The following KASH5 variants were observed in gnomAD, a reference collection of about 807,000 sequenced individuals.
KASH5 encodes protein KASH5.
KASH5 carries 72 observed loss-of-function variants against 84.2 expected under a neutral mutation model. That is an observed-to-expected ratio of 0.85 (90% CI 0.71 to 1.04). The LOEUF (loss-of-function observed/expected upper bound fraction) is 1.04, where lower values mean the gene tolerates loss of function less well. Ranked by LOEUF, KASH5 falls within the 50% of genes least tolerant of loss-of-function variation. The pLI is 0.00. For missense variants in KASH5, 650 were observed against 701.0 expected (o/e 0.93, Z 0.82); for synonymous variants, 260 against 279.1 (o/e 0.93, Z 0.68).
At position 49,395,321 on chromosome 19, in the gene KASH5, G is replaced by A. The variant is rs549776937; in HGVS notation, c.335+29G>A. ...AGTCCCCACATCTTCATCCTCCTCT[G>A]GGAAGTCCTTCCTAAGATCTAACCT... On this transcript the variant is annotated intron_variant, in intron 4 of 19. Transcript: ENST00000447857. The surrounding 1 kb of genome is among the most constrained non-coding windows in gnomAD (Gnocchi z 4.4). The A allele has an allele frequency of 6.2e-7, 1 of 1,604,380 alleles. No individual in the cohort carries two copies. Among genetic ancestry groups the A allele is most frequent in the Non-Finnish European group, 8.5e-7 (1 of 1,176,486 alleles).
rs1229332540 is a variant in KASH5 at position 49,417,500 on chromosome 19, C to T, written c.1679C>T (p.Pro560Leu). 2 of 1,540,364 alleles carry T rather than the reference C, an allele frequency of 1.3e-6. No individual in the cohort carries two copies. The highest frequency in any genetic ancestry group is 2.4e-5 in the East Asian group (1 of 40,856). ...PHLQLCYLQPPPV is the reference protein window; with the variant it reads ...PHLQLCYLQPLPV Reference sequence around the variant, plus strand: ...CTCCAGCTCTGCTACCTCCAGCCCCCTCCAGTGTGAGAGGCTCTACTTGCC... The same window carrying T: ...CTCCAGCTCTGCTACCTCCAGCCCCTTCCAGTGTGAGAGGCTCTACTTGCC... The change falls in exon 20 of 20, where the codon CCT (proline) becomes CTT (leucine). Residue 560 changes from proline (P) to leucine (L), a missense_variant. Transcript: ENST00000447857. This position sits in a 1 kb window ranked among gnomAD's most constrained non-coding sequence, Gnocchi z 5.2.
In KASH5 at chr19:49,416,433, C is replaced by T. The variant is rs906130625; in HGVS notation, c.1375-582C>T. ...GTCTCCATGTCCTGACCTTGTGATCCGCCCGCTTCAGCCTCCCAAAGTGCC... is the reference window on the plus strand; with the variant it reads ...GTCTCCATGTCCTGACCTTGTGATCTGCCCGCTTCAGCCTCCCAAAGTGCC... On this transcript the variant is annotated intron_variant, in intron 17 of 19. Coordinates refer to ENST00000447857, the MANE Select transcript of KASH5 (RefSeq NM_144688.5). The surrounding 1 kb of genome is among the most constrained non-coding windows in gnomAD (Gnocchi z 5.4). Among the ~76,000 whole-genome samples the T allele has an allele frequency of 6.6e-6, 1 of 152,144 alleles. No homozygotes were observed. The highest frequency in any genetic ancestry group is 2.4e-5 in the African/African-American group (1 of 41,426).
Position 49,412,089 on chromosome 19 carries a change from A to C in KASH5, c.1270-879A>C, listed in dbSNP as rs139157510. On this transcript the variant is annotated intron_variant, in intron 15 of 19. Coordinates refer to ENST00000447857, the MANE Select transcript of KASH5 (RefSeq NM_144688.5). This position sits in a 1 kb window ranked among gnomAD's most constrained non-coding sequence, Gnocchi z 4.6. ...GGGGTGACTAGTGAGAGATGAGGCCAGGGCCAGATCATGAAAGGAAATCTC... is the reference window on the plus strand; with the variant it reads ...GGGGTGACTAGTGAGAGATGAGGCCCGGGCCAGATCATGAAAGGAAATCTC... 5.9e-5 allele frequency among the ~76,000 whole-genome samples: 9 copies of C among 152,220 alleles called. No individual in the cohort carries two copies. The highest frequency in any genetic ancestry group is 1.0e-4 in the Non-Finnish European group (7 of 68,040).
intron 13 of KASH5, 28 bp downstream of exon 13, chr19:49,409,059 A>G (rs1974625837): frequency 6.3e-7 from 1 of 1,583,212 alleles, no homozygotes; most frequent in Non-Finnish European, 8.6e-7. Context: ...GGGTAGGAGG[A>G]GGCAGGAGGG....
chr19:49,402,651 G>A (rs558214785), intron 9 of KASH5, among the ~76,000 whole-genome samples: 28 of 152,258 alleles, frequency 1.8e-4, no homozygotes, highest in African/African-American at 6.7e-4. Context: ...AGGTTGCAGC[G>A]AGCTGAGATT....
intron 9 of KASH5, among the ~76,000 whole-genome samples, chr19:49,405,070 GAAGT>G (rs1974480842): frequency 6.6e-6 from 1 of 152,168 alleles, no homozygotes; most frequent in African/African-American, 2.4e-5. Context: ...CAGATTAAAA[GAAGT>G]AAGACATTTC....
chr19:49,410,323 G>C (rs892340756), intron 15 of KASH5, among the ~76,000 whole-genome samples: 4 of 152,030 alleles, frequency 2.6e-5, no homozygotes, highest in African/African-American at 7.2e-5. Flanking sequence ...ATAACCATTG[G>C]GGTTTTTTTT....
At chr19:49,391,156 G>A (rs1215526595) in intron 2 of KASH5, among the ~76,000 whole-genome samples, 1 of 152,142 alleles carries the variant, frequency 6.6e-6, no homozygotes, top group East Asian at 1.9e-4. Context: ...GACTGTGTGA[G>A]AGCGCAAGCA....
chr19:49,416,175 T>G lies in KASH5; in HGVS notation c.1375-840T>G, dbSNP rs1039452070. On this transcript the variant is annotated intron_variant, in intron 17 of 19. Coordinates refer to ENST00000447857, the MANE Select transcript of KASH5 (RefSeq NM_144688.5). This position sits in a 1 kb window ranked among gnomAD's most constrained non-coding sequence, Gnocchi z 5.4. ...AAAATAAATTTGTAATTATACCATTTATAATGGCATGGTGTTTTGTTTTTG... is the reference window on the plus strand; with the variant it reads ...AAAATAAATTTGTAATTATACCATTGATAATGGCATGGTGTTTTGTTTTTG... 6.6e-6 allele frequency among the ~76,000 whole-genome samples: 1 copy of G among 152,208 alleles called. No homozygotes were observed. Among genetic ancestry groups the G allele is most frequent in the African/African-American group, 2.4e-5 (1 of 41,444 alleles).
intron 7 of KASH5, among the ~76,000 whole-genome samples, chr19:49,398,551 T>C (rs1378345759): frequency 1.3e-5 from 2 of 152,072 alleles, no homozygotes; most frequent in African/African-American, 4.8e-5. Flanking sequence ...TTATTTTTTA[T>C]AGAAATGAGT....
intron 5 of KASH5, among the ~76,000 whole-genome samples, chr19:49,396,895 C>T (rs1974199893): frequency 6.6e-6 from 1 of 151,986 alleles, no homozygotes; most frequent in Admixed American, 6.6e-5. Flanking sequence ...ACCATCTCTA[C>T]TAAAAATAAA....
chr19:49,406,408 G>A (rs1444084205), intron 9 of KASH5, among the ~76,000 whole-genome samples: 3 of 151,940 alleles, frequency 2.0e-5, no homozygotes, highest in Non-Finnish European at 4.4e-5. Flanking sequence ...AGACAGTCTC[G>A]CTCTGTCGCC....
intron 10 of KASH5, 33 bp downstream of exon 10, chr19:49,406,996 C>T: frequency 6.4e-7 from 1 of 1,553,860 alleles, no homozygotes; most frequent in Non-Finnish European, 8.7e-7. Context: ...GACAACTTTC[C>T]ACCACCCCGG....
intron 14 of KASH5, 33 bp downstream of exon 14, chr19:49,409,316 C>T: frequency 6.2e-7 from 1 of 1,600,218 alleles, no homozygotes; most frequent in South Asian, 1.1e-5. Context: ...AAGCTGCAGG[C>T]CACCAAGGCA....
chr19:49,397,448 A>T (rs1460648486), intron 5 of KASH5, among the ~76,000 whole-genome samples: 1 of 152,150 alleles, frequency 6.6e-6, no homozygotes, highest in Admixed American at 6.5e-5. Context: ...AGTTAGGGTT[A>T]TCTGGGAGAT....
At chr19:49,398,176 GC>G in intron 7 of KASH5, 33 bp downstream of exon 7, 1 of 1,525,692 alleles carries the variant, frequency 6.6e-7, no homozygotes, top group Non-Finnish European at 8.8e-7. Context: ...CCTCCCCAGC[GC>G]CCCTGCCTCC....
rs777567879 is a variant in KASH5 at position 49,416,354 on chromosome 19, G to A, written c.1375-661G>A. The stretch of plus-strand genomic sequence containing the variant: ...ATTACAGGCACGTGCTACCATGCCC[G>A]GCTAATTTTTGTATTTTTAGTAGAG... On this transcript the variant is annotated intron_variant, in intron 17 of 19. Transcript: ENST00000447857. The surrounding 1 kb of genome is among the most constrained non-coding windows in gnomAD (Gnocchi z 5.4). 1.4e-4 allele frequency among the ~76,000 whole-genome samples: 22 copies of A among 152,112 alleles called. No individual in the cohort carries two copies. The highest frequency in any genetic ancestry group is 1.9e-4 in the East Asian group (1 of 5,162).
Position 49,397,712 on chromosome 19 carries a change from C to G in KASH5, c.462C>G (p.Pro154=), listed in dbSNP as rs771751679. 5 of 1,613,454 alleles carry G rather than the reference C, an allele frequency of 3.1e-6. No homozygotes were observed. Among genetic ancestry groups the G allele is most frequent in the African/African-American group, 1.3e-5 (1 of 74,862 alleles). The change falls in exon 6 of 20, where the codon CCC becomes CCG. Residue 154 remains proline (P), a synonymous_variant. Transcript: ENST00000447857. ...LESFGGEDPR[P]ELQATADLLS... Reference sequence around the variant, plus strand: ...GCTTCGGAGGCGAAGACCCCAGACCCGAGCTGTACCTATCCTCACACCCCT... The same window carrying G: ...GCTTCGGAGGCGAAGACCCCAGACCGGAGCTGTACCTATCCTCACACCCCT...
At chr19:49,398,616 G>A (rs1387364454) in intron 7 of KASH5, among the ~76,000 whole-genome samples, 3 of 151,944 alleles carry the variant, frequency 2.0e-5, no homozygotes, top group South Asian at 2.1e-4. Context: ...CCATCCTCCC[G>A]CCTTATCCTC....
Sources: gnomAD v4.1 joint callset for allele counts (sites outside exome capture counted in the v4.1 genomes callset) on GRCh38, gnomAD v4.1.1 for gene constraint, Gnocchi (gnomAD v3.1) non-coding constraint, MANE v1.5 for transcripts, NCBI Gene and HGNC (gene_info 2026-07-23, HGNC 2026-07-21) for gene names.